The following CADM2 variants were observed in gnomAD, a reference collection of about 807,000 sequenced individuals.
CADM2 encodes the protein cell adhesion molecule 2, also known as immunoglobulin superfamily member 4D.
Under a neutral mutation model 49.8 loss-of-function variants are expected in CADM2, and 12 were observed. The observed-to-expected ratio is 0.24, with a 90% CI of 0.15 to 0.39. The LOEUF (loss-of-function observed/expected upper bound fraction) is 0.39. Among genes scored for constraint, CADM2 ranks in the 10% least tolerant of loss-of-function variants. The probability of loss-of-function intolerance (pLI) is 1.00; values close to 1 mark genes in which losing one functional copy is unlikely to be tolerated. For missense variants in CADM2, 378 were observed against 492.3 expected (o/e 0.77, Z 2.20); for synonymous variants, 214 against 175.4 (o/e 1.22, Z -1.74).
At chr3:86,007,056 AAATT>A (rs1246399875) in intron 8 of CADM2, among the ~76,000 whole-genome samples, 2 of 151,934 alleles carry the variant, frequency 1.3e-5, no homozygotes, top group Non-Finnish European at 2.9e-5. Flanking sequence ...TAAAAAATAA[AAATT>A]AATTAATTAA....
chr3:85,543,399 C>G (rs2326318), intron 1 of CADM2, among the ~76,000 whole-genome samples: 76,172 of 149,230 alleles, frequency 0.51, 22,515 homozygotes, highest in East Asian at 0.85. Context: ...GGATTACAGG[C>G]ACCGCCACCA....
At chr3:84,982,552 A>G (rs1346472082) in intron 1 of CADM2, among the ~76,000 whole-genome samples, 1 of 151,432 alleles carries the variant, frequency 6.6e-6, no homozygotes, top group Non-Finnish European at 1.5e-5. Context: ...TTTAAAAACA[A>G]TACTAGTCTA....
intron 1 of CADM2, among the ~76,000 whole-genome samples, chr3:85,196,985 T>A (rs1464915401): frequency 6.6e-6 from 1 of 151,912 alleles, no homozygotes; most frequent in Non-Finnish European, 1.5e-5. Flanking sequence ...ATTTTGTGAA[T>A]TTTATTATAG....
intron 1 of CADM2, among the ~76,000 whole-genome samples, chr3:85,526,809 A>C (rs1313145906): frequency 6.6e-6 from 1 of 152,160 alleles, no homozygotes; most frequent in African/African-American, 2.4e-5. Context: ...TTACCCTATC[A>C]AAACTAAAAA....
At chr3:85,202,809 A>T (rs890518449) in intron 1 of CADM2, among the ~76,000 whole-genome samples, 1 of 152,152 alleles carries the variant, frequency 6.6e-6, no homozygotes, top group Non-Finnish European at 1.5e-5. Flanking sequence ...TCTACATGGA[A>T]AATCTGTTTT....
intron 1 of CADM2, among the ~76,000 whole-genome samples, chr3:85,045,284 G>A (rs1318539010): frequency 6.6e-6 from 1 of 152,070 alleles, no homozygotes. Context: ...GACCTAACCT[G>A]GCAATTCTGT....
At position 85,809,786 on chromosome 3, in the gene CADM2, C is replaced by CTT. The variant is rs1228710711; in HGVS notation, c.238+7591_238+7592insTT. Among the ~76,000 whole-genome samples, 117 of 82,318 alleles carry CTT rather than the reference C, an allele frequency of 1.4e-3. 8 individuals carry two copies. The highest frequency in any genetic ancestry group is 2.2e-3 in the Admixed American group (19 of 8,596). 54.0% of individuals were successfully genotyped at this position (82,318 alleles called of 152,430 possible). A position where few individuals can be genotyped will look rare whatever the true frequency, so the allele number is the denominator to read the frequency against. ...TCCCTCTCTCTCTCTCTCTCTCTCT[C>CTT]TCTCTCTTTCTTTCTTTCTTTCTTT... On this transcript the variant is annotated intron_variant, in intron 3 of 9. Transcript: ENST00000383699.
intron 1 of CADM2, among the ~76,000 whole-genome samples, chr3:85,439,264 C>T (rs1219924854): frequency 6.6e-6 from 1 of 151,496 alleles, no homozygotes; most frequent in African/African-American, 2.4e-5. Context: ...TGCGATTCTC[C>T]TGCCTCAGTC....
At chr3:85,268,131 G>A (rs1378853337) in intron 1 of CADM2, among the ~76,000 whole-genome samples, 1 of 151,418 alleles carries the variant, frequency 6.6e-6, no homozygotes, top group Non-Finnish European at 1.5e-5. Flanking sequence ...AAGAATTCCT[G>A]AGGAAGTGAC....
chr3:85,329,263 A>G (rs1025837641), intron 1 of CADM2, among the ~76,000 whole-genome samples: 1 of 152,102 alleles, frequency 6.6e-6, no homozygotes, highest in Non-Finnish European at 1.5e-5. Context: ...CAGGACGGGC[A>G]TGGTGGCTTA....
intron 1 of CADM2, among the ~76,000 whole-genome samples, chr3:85,598,443 T>C (rs1337926900): frequency 3.3e-5 from 5 of 151,982 alleles, no homozygotes; most frequent in South Asian, 2.1e-4. Context: ...TTTATTTCTA[T>C]ATTTTGTGTA....
intron 8 of CADM2, among the ~76,000 whole-genome samples, chr3:86,011,271 A>T (rs1164569407): frequency 6.6e-6 from 1 of 152,130 alleles, no homozygotes; most frequent in Non-Finnish European, 1.5e-5. Context: ...ATCATATACT[A>T]AAAGAATCAC....
At chr3:85,115,685 AG>A (rs2038613796) in intron 1 of CADM2, among the ~76,000 whole-genome samples, 1 of 152,224 alleles carries the variant, frequency 6.6e-6, no homozygotes. Flanking sequence ...TCAAGGTAAA[AG>A]GTTATTAATA....
chr3:85,258,882 A>G (rs2042949220), intron 1 of CADM2, among the ~76,000 whole-genome samples: 1 of 152,140 alleles, frequency 6.6e-6, no homozygotes, highest in African/African-American at 2.4e-5. Flanking sequence ...TTTTTCTTTC[A>G]TATTGGAAAC....
chr3:85,802,361 A>T (rs2072102011), intron 3 of CADM2, among the ~76,000 whole-genome samples, 165 bp downstream of exon 3: 1 of 152,186 alleles, frequency 6.6e-6, no homozygotes, highest in Non-Finnish European at 1.5e-5. Flanking sequence ...CAAGTCATAA[A>T]CACCAAAGAT....
At chr3:85,923,937 A>G (rs986321962) in intron 6 of CADM2, among the ~76,000 whole-genome samples, 1 of 152,182 alleles carries the variant, frequency 6.6e-6, no homozygotes, top group Non-Finnish European at 1.5e-5. Context: ...CTCTTAAATC[A>G]TTTGTATATA....
intron 1 of CADM2, among the ~76,000 whole-genome samples, chr3:85,226,691 G>C (rs941995636): frequency 6.6e-6 from 1 of 151,272 alleles, no homozygotes; most frequent in Non-Finnish European, 1.5e-5. Flanking sequence ...GTTTGCTCTT[G>C]CTTCTCTAGT....
At chr3:85,990,521 C>T (rs1032971019) in intron 8 of CADM2, among the ~76,000 whole-genome samples, 2 of 152,084 alleles carry the variant, frequency 1.3e-5, no homozygotes, top group African/African-American at 4.8e-5. Context: ...AAGACAGACT[C>T]TAGAGGATAG....
intron 1 of CADM2, among the ~76,000 whole-genome samples, chr3:85,285,072 T>C (rs955154993): frequency 2.6e-5 from 4 of 152,144 alleles, no homozygotes; most frequent in Non-Finnish European, 5.9e-5. Context: ...GATTTGCTGA[T>C]GTCCGAAGAT....
Sources: gnomAD v4.1 joint callset for allele counts (sites outside exome capture counted in the v4.1 genomes callset) on GRCh38, gnomAD v4.1.1 for gene constraint, MANE v1.5 for transcripts, NCBI Gene and HGNC (gene_info 2026-07-23, HGNC 2026-07-21) for gene names.